NEGR1: variants seen among roughly 807,000 people sequenced by gnomAD.
NEGR1 encodes the protein neuronal growth regulator 1, also known as IgLON family member 4.
In NEGR1, 10 loss-of-function variants were observed where a neutral mutation model predicts 40.9. The ratio of observed to expected loss-of-function variants is 0.24; its 90% CI spans 0.15 to 0.42. The LOEUF is 0.42. NEGR1 is among the 10% of genes least tolerant of loss of function. The probability of loss-of-function intolerance (pLI) is 1.00; values close to 1 mark genes in which losing one functional copy is unlikely to be tolerated. For missense variants in NEGR1, 352 were observed against 438.9 expected (o/e 0.80, Z 1.77); for synonymous variants, 185 against 166.8 (o/e 1.11, Z -0.84).
intron 6 of NEGR1, chr1:71,468,769 C>A (rs1181758208): frequency 6.6e-6 from 1 of 152,000 alleles, no homozygotes; most frequent in South Asian, 2.1e-4. Flanking sequence ...ATAAAAACTA[C>A]CCAGCCTTTT....
chr1:71,788,517 T>C (rs1656992383), intron 2 of NEGR1, among the ~76,000 whole-genome samples: 2 of 152,190 alleles, frequency 1.3e-5, no homozygotes, highest in East Asian at 1.9e-4. Context: ...TGTTTTATAC[T>C]GGGGCTAGCT....
At chr1:71,973,172 T>C (rs1048316961) in intron 1 of NEGR1, among the ~76,000 whole-genome samples, 99 of 152,000 alleles carry the variant, frequency 6.5e-4, no homozygotes, top group Admixed American at 9.8e-4. Context: ...AAAAATTAGC[T>C]GGGCGTGGTG....
intron 1 of NEGR1, among the ~76,000 whole-genome samples, chr1:72,273,328 G>A (rs1177674009): frequency 6.6e-6 from 1 of 151,944 alleles, no homozygotes; most frequent in Non-Finnish European, 1.5e-5. Flanking sequence ...TAGGAGAAAG[G>A]AAGAGAAGGC....
At chr1:71,562,457 G>A (rs1266908453) in intron 6 of NEGR1, among the ~76,000 whole-genome samples, 1 of 151,656 alleles carries the variant, frequency 6.6e-6, no homozygotes, top group African/African-American at 2.4e-5. Flanking sequence ...TTAATAATCT[G>A]GGTTTTTTCC....
chr1:71,961,385 T>C (rs1487406928), intron 1 of NEGR1, among the ~76,000 whole-genome samples: 1 of 152,172 alleles, frequency 6.6e-6, no homozygotes, highest in Non-Finnish European at 1.5e-5. Flanking sequence ...ACACTAATTT[T>C]GTTGACTGAG....
At chr1:71,565,332 G>T (rs867038798) in intron 6 of NEGR1, among the ~76,000 whole-genome samples, 1 of 152,144 alleles carries the variant, frequency 6.6e-6, no homozygotes, top group Non-Finnish European at 1.5e-5. Context: ...GTGTGCTTGG[G>T]TATGCTTCTA....
At chr1:71,970,703 CACTTA>C (rs1021078755) in intron 1 of NEGR1, among the ~76,000 whole-genome samples, 2 of 151,914 alleles carry the variant, frequency 1.3e-5, no homozygotes, top group African/African-American at 4.8e-5. Flanking sequence ...AAAAAAAAAT[CACTTA>C]ACTTAAATAA....
intron 2 of NEGR1, among the ~76,000 whole-genome samples, chr1:71,921,915 T>G (rs1645724206): frequency 6.6e-6 from 1 of 151,916 alleles, no homozygotes; most frequent in African/African-American, 2.4e-5. Context: ...TCCCTAACCC[T>G]CATGTTGTTC....
intron 2 of NEGR1, among the ~76,000 whole-genome samples, chr1:71,802,868 G>A (rs2101750247): frequency 6.6e-6 from 1 of 152,224 alleles, no homozygotes; most frequent in South Asian, 2.1e-4. Context: ...TTTGCCTCAG[G>A]AAGAGGCATA....
intron 4 of NEGR1, among the ~76,000 whole-genome samples, chr1:71,682,683 C>G (rs1041123825): frequency 5.9e-5 from 9 of 152,158 alleles, no homozygotes; most frequent in Admixed American, 2.0e-4. Flanking sequence ...AATGTTTGTC[C>G]CCTCCAAATC....
chr1:72,185,208 CTAGAT>C (rs1652567859), intron 1 of NEGR1, among the ~76,000 whole-genome samples: 1 of 151,672 alleles, frequency 6.6e-6, no homozygotes, highest in African/African-American at 2.4e-5. Flanking sequence ...TATTTTGTAA[CTAGAT>C]TAATCTTATA....
chr1:72,224,969 A>G (rs565530158), intron 1 of NEGR1, among the ~76,000 whole-genome samples: 4 of 152,164 alleles, frequency 2.6e-5, no homozygotes, highest in African/African-American at 9.6e-5. Context: ...ATGCATTTCA[A>G]TGTATTTTGG....
intron 2 of NEGR1, among the ~76,000 whole-genome samples, chr1:71,838,790 T>G (rs539803985): frequency 6.6e-6 from 1 of 152,100 alleles, no homozygotes; most frequent in Non-Finnish European, 1.5e-5. Context: ...ATAAATGGCC[T>G]GAAATTAATC....
intron 3 of NEGR1, among the ~76,000 whole-genome samples, chr1:71,769,017 T>C (rs1570320775): frequency 6.6e-6 from 1 of 152,034 alleles, no homozygotes; most frequent in Non-Finnish European, 1.5e-5. Flanking sequence ...GAAGCTGTTA[T>C]GCCTTGCCTC....
intron 2 of NEGR1, among the ~76,000 whole-genome samples, chr1:71,785,355 C>A (rs1278800364): frequency 6.6e-6 from 1 of 152,030 alleles, no homozygotes; most frequent in African/African-American, 2.4e-5. Context: ...ATGTGGGTAT[C>A]CTAGTGAAGT....
chr1:71,869,104 T>C (rs1660203685), intron 2 of NEGR1, among the ~76,000 whole-genome samples: 1 of 152,222 alleles, frequency 6.6e-6, no homozygotes, highest in South Asian at 2.1e-4. Flanking sequence ...ACCTGTTTAT[T>C]TTCTGTGAAG....
chr1:71,395,974 A>G lies in NEGR1; in HGVS notation c.*11472T>C, dbSNP rs1481652284. 3.9e-5 allele frequency: 6 copies of G among 152,196 alleles called. No homozygotes were observed. The highest frequency in any genetic ancestry group is 1.4e-4 in the African/African-American group (6 of 41,450). The allele number at this position is 152,196 out of a possible 1,614,324, so 9.4% of individuals were successfully genotyped here. ...ATAACAGCCTTTATTCATATCACTAATTGTAATATGTACTAATTGTAAATG... is the reference window on the plus strand; with the variant it reads ...ATAACAGCCTTTATTCATATCACTAGTTGTAATATGTACTAATTGTAAATG... On this transcript the variant is annotated 3_prime_UTR_variant, in exon 7 of 7. Transcript: ENST00000357731.
chr1:72,062,446 C>G (rs1647193767), intron 1 of NEGR1, among the ~76,000 whole-genome samples: 1 of 151,920 alleles, frequency 6.6e-6, no homozygotes, highest in Non-Finnish European at 1.5e-5. Flanking sequence ...TTATATCTAT[C>G]TCTCTTTGAA....
At chr1:71,479,892 G>A (rs1646843733) in intron 6 of NEGR1, among the ~76,000 whole-genome samples, 1 of 151,846 alleles carries the variant, frequency 6.6e-6, no homozygotes, top group South Asian at 2.1e-4. Flanking sequence ...TTGCTTGCCT[G>A]TAAATAAATC....
Sources: allele counts gnomAD v4.1 joint callset (sites outside exome capture counted in the v4.1 genomes callset), GRCh38; gene constraint gnomAD v4.1.1; transcripts MANE v1.5; gene names NCBI Gene and HGNC (gene_info 2026-07-23, HGNC 2026-07-21).